ADGRG2: variants seen among roughly 807,000 people sequenced by gnomAD.
ADGRG2 encodes G protein-coupled receptor 64.
ADGRG2 carries 26 observed loss-of-function variants against 74.1 expected under a neutral mutation model. The observed-to-expected ratio is 0.35, with a 90% CI of 0.26 to 0.49. The LOEUF is 0.49. Among genes scored for constraint, ADGRG2 ranks in the 20% least tolerant of loss-of-function variants. ADGRG2 has a pLI of 0.99. For missense variants in ADGRG2, 619 were observed against 763.1 expected (o/e 0.81, Z 2.22); for synonymous variants, 296 against 295.2 (o/e 1.00, Z -0.03).
chrX:18,999,991 ATTTTTT>A, intron 24 of ADGRG2, 31 bp from the exon 25 acceptor site: 5 of 568,813 alleles, frequency 8.8e-6, no homozygotes, highest in South Asian at 2.9e-5. Context: ...GTCACACCTA[ATTTTTT>A]TTTTTTTTTT....
At chrX:19,023,823 C>T in intron 12 of ADGRG2, 86 bp downstream of exon 12, 1 of 643,105 alleles carries the variant, frequency 1.6e-6, no homozygotes, top group Non-Finnish European at 2.5e-6. Flanking sequence ...AATTTGAATA[C>T]ATATCTCCCA....
chrX:19,094,763 C>T (rs1488683058), intron 1 of ADGRG2, among the ~76,000 whole-genome samples: 1 of 112,612 alleles, frequency 8.9e-6, no homozygotes, highest in Non-Finnish European at 1.9e-5. Context: ...CCACCGGAAG[C>T]GGAGTTATTT....
At chrX:19,052,606 A>G (rs1036675285) in intron 3 of ADGRG2, among the ~76,000 whole-genome samples, 27 of 108,888 alleles carry the variant, frequency 2.5e-4, no homozygotes, top group African/African-American at 6.6e-4. Flanking sequence ...ACATATATAC[A>G]TATGTTTTTA....
intron 3 of ADGRG2, among the ~76,000 whole-genome samples, chrX:19,065,841 T>C (rs995531307): frequency 1.8e-5 from 2 of 111,552 alleles, no homozygotes; most frequent in Non-Finnish European, 3.8e-5. Context: ...CGTGTGAGAA[T>C]AGTTTAGATT....
At chrX:19,038,479 T>C (rs2060988880) in intron 4 of ADGRG2, among the ~76,000 whole-genome samples, 1 of 112,499 alleles carries the variant, frequency 8.9e-6, no homozygotes. Context: ...TACATTTATT[T>C]ATTTCTTAAA....
At chrX:19,030,601 C>T (rs1166024629) in intron 9 of ADGRG2, among the ~76,000 whole-genome samples, 3 of 112,142 alleles carry the variant, frequency 2.7e-5, no homozygotes, top group African/African-American at 9.7e-5. Context: ...AGCTCTAATA[C>T]TTAAGGCCCT....
intron 1 of ADGRG2, among the ~76,000 whole-genome samples, chrX:19,101,439 G>A (rs548458277): frequency 2.7e-5 from 3 of 111,194 alleles, no homozygotes; most frequent in South Asian, 7.6e-4. Context: ...GGTGGCTCAC[G>A]CCTGTAATCC....
intron 3 of ADGRG2, among the ~76,000 whole-genome samples, chrX:19,040,989 T>C (rs2061048655): frequency 9.0e-6 from 1 of 111,329 alleles, no homozygotes; most frequent in African/African-American, 3.3e-5. Context: ...TTTATATGTG[T>C]ATATATTTAC....
chrX:19,120,759 G>A (rs192388024), intron 1 of ADGRG2, among the ~76,000 whole-genome samples: 65 of 112,496 alleles, frequency 5.8e-4, no homozygotes, highest in African/African-American at 2.0e-3. Flanking sequence ...GCATGTCCAT[G>A]AAGCCAGCCC....
At chrX:19,035,867 C>G (rs1213953295) in intron 7 of ADGRG2, 75 bp downstream of exon 7, 1 of 539,506 alleles carries the variant, frequency 1.9e-6, no homozygotes, top group African/African-American at 2.4e-5. Context: ...CTTTAGTAAC[C>G]CAGTAGACTG....
Position 18,990,502 on chromosome X carries a change from A to C in ADGRG2, c.*362T>G, listed in dbSNP as rs766137724. ...GGCATGCACAACTAAACTCACCAAC[A>C]GGCTGAAGTCAACAGTTGCTTTATA... On this transcript the variant is annotated 3_prime_UTR_variant, in exon 29 of 29. Transcript: ENST00000379869. 1 of 123,346 alleles carries C rather than the reference A, an allele frequency of 8.1e-6. No homozygotes were observed. Among genetic ancestry groups the C allele is most frequent in the Non-Finnish European group, 1.7e-5 (1 of 60,557 alleles). 10.2% of individuals were successfully genotyped at this position (123,346 alleles called of 1,213,427 possible).
rs192007030 is a variant in ADGRG2, at chrX:19,072,160, T to G, written c.-1-3325A>C. On this transcript the variant is annotated intron_variant, in intron 2 of 28. Coordinates refer to ENST00000379869, the MANE Select transcript of ADGRG2 (RefSeq NM_001079858.3). ...GTAAACTTCCTTAAAACATTATGAG[T>G]TTTTTTGCAATTTTTTTTTTTTAAC... Among the ~76,000 whole-genome samples, 338 of 85,630 alleles carry G rather than the reference T, an allele frequency of 3.9e-3. 1 individual carries two copies. Among genetic ancestry groups the G allele is most frequent in the African/African-American group, 0.022 (321 of 14,782 alleles). The allele number at this position is 85,630 out of a possible 115,157, so 74.4% of individuals were successfully genotyped here.
chrX:19,078,059 G>A lies in ADGRG2; in HGVS notation c.-2+4643C>T, dbSNP rs1015756357. ...AGCCCCCATTCAACAACTGCAGCGC[G>A]CATAATCTTTTCAAGAGCACATGGA... On this transcript the variant is annotated intron_variant, in intron 2 of 28. Coordinates refer to ENST00000379869, the MANE Select transcript of ADGRG2 (RefSeq NM_001079858.3). Among the ~76,000 whole-genome samples, 6 of 111,906 alleles carry A rather than the reference G, an allele frequency of 5.4e-5. No homozygotes were observed. In the East Asian group the frequency reaches 8.4e-4, roughly 16 times the overall value.
chrX:19,065,962 T>C (rs1311434419), intron 3 of ADGRG2, among the ~76,000 whole-genome samples: 5 of 112,528 alleles, frequency 4.4e-5, no homozygotes, highest in African/African-American at 1.6e-4. Context: ...TTCTCCTGCC[T>C]CAGCCTCCCA....
intron 1 of ADGRG2, among the ~76,000 whole-genome samples, chrX:19,111,009 G>A (rs2062403553): frequency 1.8e-5 from 2 of 111,806 alleles, no homozygotes; most frequent in Admixed American, 9.6e-5. Context: ...TGGAAGTATA[G>A]TGGAATAGTA....
intron 3 of ADGRG2, among the ~76,000 whole-genome samples, chrX:19,051,018 G>A (rs2061309847): frequency 8.9e-6 from 1 of 111,874 alleles, no homozygotes; most frequent in South Asian, 3.7e-4. Flanking sequence ...GCTGCGTGGT[G>A]ATACGATTAA....
At chrX:19,067,265 A>C (rs1446012082) in intron 3 of ADGRG2, among the ~76,000 whole-genome samples, 5 of 112,443 alleles carry the variant, frequency 4.4e-5, no homozygotes, top group Non-Finnish European at 5.6e-5. Flanking sequence ...CATTTTCAAT[A>C]AATCTCTTCA....
intron 1 of ADGRG2, among the ~76,000 whole-genome samples, chrX:19,089,431 TTAAAA>T (rs1051290374): frequency 1.8e-5 from 2 of 111,898 alleles, no homozygotes; most frequent in African/African-American, 6.5e-5. Context: ...ATACTTGAAC[TTAAAA>T]TAAAAGTTAA....
At chrX:19,093,200 C>T (rs1436853142) in intron 1 of ADGRG2, among the ~76,000 whole-genome samples, 2 of 112,031 alleles carry the variant, frequency 1.8e-5, no homozygotes, top group Non-Finnish European at 3.8e-5. Context: ...CTCTTCCCAG[C>T]GTCTCCTGAA....
Sources: gnomAD v4.1 joint callset for allele counts (sites outside exome capture counted in the v4.1 genomes callset) on GRCh38, gnomAD v4.1.1 for gene constraint, MANE v1.5 for transcripts, NCBI Gene and HGNC (gene_info 2026-07-23, HGNC 2026-07-21) for gene names.